Variants in CTNNA3 observed in about 807,000 individuals in gnomAD.
The protein encoded by CTNNA3 is catenin alpha-3.
Under a neutral mutation model 95.7 loss-of-function variants are expected in CTNNA3, and 76 were observed. The ratio of observed to expected loss-of-function variants is 0.79; its 90% confidence interval spans 0.66 to 0.96. CTNNA3 has a LOEUF of 0.96. Ranked by LOEUF, CTNNA3 falls within the 40% of genes least tolerant of loss-of-function variation. The pLI is 0.00. For synonymous variants in CTNNA3, 431 were observed against 374.4 expected (o/e 1.15, Z -1.74); for missense variants, 1,191 against 1,089.8 (o/e 1.09, Z -1.31).
chr10:66,523,152 C>T (rs181010257), intron 10 of CTNNA3, among the ~76,000 whole-genome samples: 1 of 152,100 alleles, frequency 6.6e-6, no homozygotes. Context: ...AATGTACCTT[C>T]GTGTATACTG....
At chr10:66,861,976 A>G (rs1481378386) in intron 7 of CTNNA3, among the ~76,000 whole-genome samples, 1 of 152,142 alleles carries the variant, frequency 6.6e-6, no homozygotes, top group Admixed American at 6.5e-5. Flanking sequence ...GCACTTTGGG[A>G]GGCCAAGGAA....
intron 7 of CTNNA3, among the ~76,000 whole-genome samples, chr10:67,165,619 C>G (rs1474458688): frequency 6.6e-6 from 1 of 152,204 alleles, no homozygotes; most frequent in East Asian, 1.9e-4. Context: ...GTCTTTGCTA[C>G]TTCCTTTGAA....
At chr10:67,305,419 A>G (rs1482940181) in intron 5 of CTNNA3, among the ~76,000 whole-genome samples, 1 of 151,918 alleles carries the variant, frequency 6.6e-6, no homozygotes, top group East Asian at 1.9e-4. Flanking sequence ...GAGGTATTAA[A>G]GTAAAAAGTG....
At chr10:67,547,223 T>C (rs1305577283) in intron 3 of CTNNA3, among the ~76,000 whole-genome samples, 2 of 152,090 alleles carry the variant, frequency 1.3e-5, no homozygotes. Flanking sequence ...CCCCAAAAAA[T>C]ACAAGTATAA....
intron 16 of CTNNA3, among the ~76,000 whole-genome samples, chr10:65,980,179 C>A (rs2078289421): frequency 6.6e-6 from 1 of 151,882 alleles, no homozygotes; most frequent in Non-Finnish European, 1.5e-5. Context: ...AAAGATTATT[C>A]AAGGCTACTA....
chr10:67,697,749 G>GT (rs35289132), upstream of CTNNA3, among the ~76,000 whole-genome samples: 97 of 151,494 alleles, frequency 6.4e-4, 2 homozygotes, highest in South Asian at 0.013. Flanking sequence ...TTTATAGTGG[G>GT]TTTTTTTTTA....
At position 66,753,980 on chromosome 10, in the gene CTNNA3, G is replaced by A. The variant is rs113666762; in HGVS notation, c.1281+12284C>T. Among the ~76,000 whole-genome samples, 268 of 152,188 alleles carry A rather than the reference G, an allele frequency of 1.8e-3. 1 individual carries two copies. Among genetic ancestry groups the A allele is most frequent in the African/African-American group, 5.8e-3 (241 of 41,524 alleles). On this transcript the variant is annotated intron_variant, in intron 9 of 17. Transcript: ENST00000433211. ...TCCCAAACTGATCTACAGATTCAAT[G>A]CAATCCCTATCAAGATTTCAGATTG...
chr10:67,044,308 G>A (rs1564851360), intron 7 of CTNNA3, among the ~76,000 whole-genome samples: 2 of 152,054 alleles, frequency 1.3e-5, no homozygotes, highest in Non-Finnish European at 2.9e-5. Context: ...ATTTAACGAG[G>A]GGGAAGGGGA....
At chr10:66,826,298 A>T (rs1842512569) in intron 7 of CTNNA3, among the ~76,000 whole-genome samples, 1 of 152,106 alleles carries the variant, frequency 6.6e-6, no homozygotes, top group South Asian at 2.1e-4. Flanking sequence ...TTTGTTTACG[A>T]CATGGTCTTG....
chr10:66,397,197 A>C (rs1162778573), intron 11 of CTNNA3, among the ~76,000 whole-genome samples: 2 of 151,768 alleles, frequency 1.3e-5, no homozygotes, highest in African/African-American at 4.8e-5. Context: ...TATTTTCCAT[A>C]AAATAATATT....
chr10:66,653,657 C>G (rs931296671), intron 9 of CTNNA3, among the ~76,000 whole-genome samples: 1 of 151,932 alleles, frequency 6.6e-6, no homozygotes, highest in African/African-American at 2.4e-5. Context: ...CAATCTTGAG[C>G]CAAAATAACA....
chr10:66,572,430 A>G lies in CTNNA3; in HGVS notation c.1374+49262T>C, dbSNP rs561409032. 5.3e-5 allele frequency among the ~76,000 whole-genome samples: 8 copies of G among 152,026 alleles called. 1 individual carries two copies. The highest frequency in any genetic ancestry group is 5.2e-4 in the Admixed American group (8 of 15,252). On this transcript the variant is annotated intron_variant, in intron 10 of 17. Transcript: ENST00000433211. ...TGAATCTAAGCAAACATATACACAC[A>G]AACAGGCATACATACCTAGACAAAC...
chr10:67,554,767 C>T (rs1443085361), intron 3 of CTNNA3, among the ~76,000 whole-genome samples: 1 of 152,176 alleles, frequency 6.6e-6, no homozygotes, highest in Non-Finnish European at 1.5e-5. Flanking sequence ...AATTAGATCC[C>T]ATTTGTCAAT....
intron 6 of CTNNA3, among the ~76,000 whole-genome samples, chr10:67,183,062 G>C (rs1171430522): frequency 6.6e-6 from 1 of 152,188 alleles, no homozygotes; most frequent in African/African-American, 2.4e-5. Context: ...AGGATATGGA[G>C]AAACAGGAAC....
At chr10:65,992,649 T>G (rs1363940726) in intron 15 of CTNNA3, among the ~76,000 whole-genome samples, 1 of 152,098 alleles carries the variant, frequency 6.6e-6, no homozygotes, top group African/African-American at 2.4e-5. Flanking sequence ...TGGTTAGTCT[T>G]GCTAGCAGGT....
chr10:67,235,930 T>A (rs1865431510), intron 5 of CTNNA3, among the ~76,000 whole-genome samples: 1 of 146,382 alleles, frequency 6.8e-6, no homozygotes, highest in African/African-American at 2.6e-5. Flanking sequence ...TCACTGGCCA[T>A]CAGAGAAATG....
chr10:66,335,888 CT>C (rs1254067531), intron 12 of CTNNA3, among the ~76,000 whole-genome samples: 1 of 152,102 alleles, frequency 6.6e-6, no homozygotes, highest in Non-Finnish European at 1.5e-5. Flanking sequence ...CCAGTTTGAG[CT>C]TCCCAGCCGC....
intron 5 of CTNNA3, among the ~76,000 whole-genome samples, chr10:67,247,568 A>G (rs1287835525): frequency 6.6e-6 from 1 of 152,194 alleles, no homozygotes; most frequent in East Asian, 1.9e-4. Flanking sequence ...TTTTATGATG[A>G]CATTATTCCC....
intron 7 of CTNNA3, among the ~76,000 whole-genome samples, chr10:66,999,063 CAG>C (rs1472271397): frequency 1.3e-5 from 2 of 152,008 alleles, no homozygotes; most frequent in Non-Finnish European, 2.9e-5. Context: ...AAACGGAAGA[CAG>C]GGCAAAAGTT....
Sources: gnomAD v4.1 joint callset for allele counts (sites outside exome capture counted in the v4.1 genomes callset) on GRCh38, gnomAD v4.1.1 for gene constraint, MANE v1.5 for transcripts, NCBI Gene and HGNC (gene_info 2026-07-23, HGNC 2026-07-21) for gene names.